The following COLEC10 variants were observed in gnomAD, a reference collection of about 807,000 sequenced individuals.
The protein encoded by COLEC10 is collectin subfamily member 10, also known as collectin-10.
COLEC10 carries 22 observed loss-of-function variants against 28.4 expected under a neutral mutation model. That is an observed-to-expected ratio of 0.78 (90% CI 0.55 to 1.11). The LOEUF (loss-of-function observed/expected upper bound fraction) is 1.11. COLEC10 is among the 50% of genes least tolerant of loss of function. COLEC10 has a pLI of 0.00. For synonymous variants in COLEC10, 125 were observed against 116.1 expected, an observed-to-expected ratio of 1.08 and a Z score of -0.49; for missense variants, 361 against 344.1, an observed-to-expected ratio of 1.05 and a Z score of -0.39.
the COLEC10 span, among the ~76,000 whole-genome samples, chr8:118,961,870 C>T: frequency 6.6e-6 from 1 of 152,190 alleles, no homozygotes; most frequent in African/African-American, 2.4e-5. Flanking sequence ...ATGCCCTACT[C>T]TGTTCCTAAG....
intron 2 of COLEC10, among the ~76,000 whole-genome samples, chr8:119,042,757 T>C (rs1490985163): frequency 1.3e-5 from 2 of 152,208 alleles, no homozygotes; most frequent in African/African-American, 4.8e-5. Context: ...ATCTATGTAA[T>C]GGAAATAATT....
chr8:119,003,730 A>T (rs1332892729), intron 1 of COLEC10, among the ~76,000 whole-genome samples: 4 of 152,042 alleles, frequency 2.6e-5, no homozygotes, highest in Non-Finnish European at 5.9e-5. Flanking sequence ...GCACCGCTTA[A>T]CCCATAACCT....
At chr8:119,069,436 A>C (rs1340813588) in intron 1 of COLEC10, among the ~76,000 whole-genome samples, 1 of 150,648 alleles carries the variant, frequency 6.6e-6, no homozygotes, top group Non-Finnish European at 1.5e-5. Context: ...CTCTACAAAA[A>C]ATTAAAATAA....
intron 2 of COLEC10, among the ~76,000 whole-genome samples, chr8:119,022,425 A>G (rs930317675): frequency 1.8e-4 from 27 of 152,274 alleles, no homozygotes; most frequent in Non-Finnish European, 3.8e-4. Flanking sequence ...TGTTAACATT[A>G]CATAAAGATG....
upstream of COLEC10, among the ~76,000 whole-genome samples, chr8:119,062,479 A>ATTTT (rs60708114): frequency 1.4e-5 from 2 of 146,708 alleles, no homozygotes; most frequent in Non-Finnish European, 1.5e-5. Flanking sequence ...TGAATATTTG[A>ATTTT]TTTTTTTTTT....
At chr8:118,956,263 C>T in the COLEC10 span, among the ~76,000 whole-genome samples, 1 of 152,172 alleles carries the variant, frequency 6.6e-6, no homozygotes, top group South Asian at 2.1e-4. Flanking sequence ...ATTTCAACAT[C>T]TGAATTTTTG....
At position 119,105,947 on chromosome 8, in the gene COLEC10, A is replaced by T. The variant is rs749498312; in HGVS notation, c.590A>T (p.Asp197Val). The change falls in exon 6 of 6, where the codon GAC becomes GTC. Residue 197 changes from aspartate to valine, a missense_variant. By Grantham distance (152) the Asp-to-Val change is radical. Transcript: ENST00000332843. ...KDEAANTLIA[D>V]YVAKSGFFRV... ...GAAGCTGCCAACACACTCATCGCTG[A>T]CTATGTTGCCAAGAGTGGCTTCTTT... The T allele has an allele frequency of 5.6e-6, 9 of 1,613,858 alleles. No individual in the cohort carries two copies. The East Asian group carries it at 1.1e-4, about 20-fold the overall frequency.
upstream of COLEC10, among the ~76,000 whole-genome samples, chr8:118,992,955 T>C (rs929539815): frequency 6.6e-6 from 1 of 152,180 alleles, no homozygotes; most frequent in African/African-American, 2.4e-5. Context: ...CAGCACAAGG[T>C]AAGGAATATC....
chr8:119,072,875 A>G (rs1272883990), intron 1 of COLEC10, among the ~76,000 whole-genome samples: 1 of 152,156 alleles, frequency 6.6e-6, no homozygotes, highest in East Asian at 1.9e-4. Context: ...AGCAACTGAA[A>G]AATAGATTTC....
the COLEC10 span, among the ~76,000 whole-genome samples, chr8:118,966,937 C>T: frequency 3.3e-5 from 5 of 152,072 alleles, no homozygotes; most frequent in African/African-American, 1.2e-4. Context: ...ATCAGTCTTT[C>T]CTCCTGGACT....
chr8:119,017,738 A>G (rs1293392775), intron 2 of COLEC10, among the ~76,000 whole-genome samples: 1 of 152,190 alleles, frequency 6.6e-6, no homozygotes, highest in African/African-American at 2.4e-5. Context: ...TCTTACTCTT[A>G]ATCTTGAAGT....
chr8:119,078,248 AC>A (rs1815294697), intron 1 of COLEC10, among the ~76,000 whole-genome samples: 1 of 152,200 alleles, frequency 6.6e-6, no homozygotes, highest in Non-Finnish European at 1.5e-5. Flanking sequence ...TTTCTTTTCC[AC>A]ATAATTTTCA....
At chr8:119,087,674 A>AC (rs1027224444) in intron 1 of COLEC10, among the ~76,000 whole-genome samples, 4 of 151,876 alleles carry the variant, frequency 2.6e-5, no homozygotes, top group African/African-American at 4.8e-5. Flanking sequence ...TCTTTCTGCA[A>AC]CCCCCCTTTT....
chr8:119,017,438 T>C (rs1221477451), intron 2 of COLEC10, among the ~76,000 whole-genome samples: 1 of 152,200 alleles, frequency 6.6e-6, no homozygotes, highest in African/African-American at 2.4e-5. Flanking sequence ...GTAGGTTCCA[T>C]ACCAGCTCTT....
chr8:118,986,441 C>T, the COLEC10 span, among the ~76,000 whole-genome samples: 7 of 152,086 alleles, frequency 4.6e-5, no homozygotes, highest in African/African-American at 1.7e-4. Context: ...AACGTCCAAC[C>T]ATTCTAAATA....
upstream of COLEC10, among the ~76,000 whole-genome samples, chr8:119,064,199 T>C (rs1814909614): frequency 6.6e-6 from 1 of 152,172 alleles, no homozygotes; most frequent in Admixed American, 6.5e-5. Context: ...AATTAAATAA[T>C]GTTTTATATA....
chr8:119,076,360 C>G (rs1022026325), intron 1 of COLEC10, among the ~76,000 whole-genome samples: 1 of 151,208 alleles, frequency 6.6e-6, no homozygotes, highest in Non-Finnish European at 1.5e-5. Flanking sequence ...CTCCCAGGTA[C>G]AAGCAATTCT....
chr8:119,095,599 G>T (rs1269359105), intron 3 of COLEC10, among the ~76,000 whole-genome samples: 1 of 152,186 alleles, frequency 6.6e-6, no homozygotes, highest in Non-Finnish European at 1.5e-5. Context: ...CTACTTGGAA[G>T]ACTGAGGTGG....
intron 5 of COLEC10, 47 bp downstream of exon 5, chr8:119,103,942 T>G (rs775772805): frequency 8.4e-7 from 1 of 1,186,816 alleles, no homozygotes; most frequent in Admixed American, 1.7e-5. Context: ...TAGATCTCCA[T>G]CAACACTACA....
Sources: gnomAD v4.1 joint callset for allele counts (sites outside exome capture counted in the v4.1 genomes callset) on GRCh38, gnomAD v4.1.1 for gene constraint, MANE v1.5 for transcripts, NCBI Gene and HGNC (gene_info 2026-07-23, HGNC 2026-07-21) for gene names.